Variants in DDAH1 observed in about 807,000 individuals in gnomAD.
DDAH1 encodes N(G),N(G)-dimethylarginine dimethylaminohydrolase 1.
In DDAH1, 19 loss-of-function variants were observed where a neutral mutation model predicts 28.8. The ratio of observed to expected loss-of-function variants is 0.66; its 90% CI spans 0.46 to 0.97. The LOEUF is 0.97. Ranked by LOEUF, DDAH1 falls within the 50% of genes least tolerant of loss-of-function variation. The pLI is 0.00. For missense variants in DDAH1, 326 were observed against 375.9 expected (o/e 0.87, Z 1.10); for synonymous variants, 153 against 154.4 (o/e 0.99, Z 0.07).
intron 1 of DDAH1, among the ~76,000 whole-genome samples, chr1:85,577,190 G>T (rs1659637940): frequency 6.6e-6 from 1 of 152,068 alleles, no homozygotes; most frequent in Admixed American, 6.5e-5. Flanking sequence ...ACCCTCTCGC[G>T]GTGCGGACCC....
rs549518225 is a variant in DDAH1, at chr1:85,524,796, G to T, written c.-122-28515C>A. 4.6e-4 allele frequency among the ~76,000 whole-genome samples: 69 copies of T among 151,310 alleles called. No individual in the cohort carries two copies. The East Asian group carries it at 0.013, about 29-fold the overall frequency. ...GAAGAAAAGCCTAATTAGAAATGAA[G>T]CACGCAGTGTCCCAACAAGAAAAAT... On this transcript the variant is annotated intron_variant, in intron 1 of 6. Transcript: ENST00000426972.
At chr1:85,477,647 T>C (rs1655848030) in intron 2 of DDAH1, among the ~76,000 whole-genome samples, 1 of 151,924 alleles carries the variant, frequency 6.6e-6, no homozygotes, top group African/African-American at 2.4e-5. Context: ...ATAGTATATG[T>C]ATATGCATAT....
intron 4 of DDAH1, among the ~76,000 whole-genome samples, chr1:85,341,976 C>T (rs984665261): frequency 3.9e-5 from 6 of 152,084 alleles, no homozygotes; most frequent in African/African-American, 9.7e-5. Flanking sequence ...TACTTTTTGC[C>T]AAGTAGTTGT....
intron 1 of DDAH1, among the ~76,000 whole-genome samples, chr1:85,395,322 G>A (rs149837263): frequency 6.6e-6 from 1 of 152,290 alleles, no homozygotes; most frequent in African/African-American, 2.4e-5. Context: ...TCAGAAAGAT[G>A]AGGGAAAAAG....
upstream of DDAH1, among the ~76,000 whole-genome samples, chr1:85,466,515 C>A (rs1188392479): frequency 6.6e-6 from 1 of 152,208 alleles, no homozygotes; most frequent in African/African-American, 2.4e-5. Flanking sequence ...TCCCAAAGTG[C>A]TGGGATTACA....
chr1:85,320,102 C>T lies in DDAH1; in HGVS notation c.*1350G>A, dbSNP rs1487408444. The T allele has an allele frequency of 6.6e-6, 1 of 152,216 alleles. No homozygotes were observed. Among genetic ancestry groups the T allele is most frequent in the African/African-American group, 2.4e-5 (1 of 41,424 alleles). 9.4% of individuals were successfully genotyped at this position (152,216 alleles called of 1,614,324 possible). On this transcript the variant is annotated 3_prime_UTR_variant, in exon 6 of 6. Coordinates refer to ENST00000284031, the MANE Select transcript of DDAH1 (RefSeq NM_012137.4). ...ATCAGTTACCATTCATTGGAAAGTA[C>T]CGTTTCCCCTGCCTGTTAATAGGCT...
chr1:85,545,996 T>C (rs766109069), intron 1 of DDAH1, among the ~76,000 whole-genome samples: 3 of 152,086 alleles, frequency 2.0e-5, no homozygotes, highest in South Asian at 2.1e-4. Context: ...GCTCGTAAAA[T>C]GGGAGCAACA....
chr1:85,396,027 C>T (rs2100565381), intron 1 of DDAH1, among the ~76,000 whole-genome samples: 1 of 152,152 alleles, frequency 6.6e-6, no homozygotes, highest in African/African-American at 2.4e-5. Context: ...ACTGAGTCTC[C>T]TCTTTATTAT....
chr1:85,484,429 A>C (rs188871069), intron 2 of DDAH1, among the ~76,000 whole-genome samples: 40 of 152,300 alleles, frequency 2.6e-4, no homozygotes, highest in African/African-American at 8.9e-4. Context: ...AATGCTGCCA[A>C]GGATGATTCA....
chr1:85,406,118 C>T (rs1652393764), intron 1 of DDAH1, among the ~76,000 whole-genome samples: 1 of 152,024 alleles, frequency 6.6e-6, no homozygotes, highest in Admixed American at 6.6e-5. Flanking sequence ...AAGTTGGAGC[C>T]CAAAGATGAG....
At chr1:85,516,072 C>G (rs1468393819) in intron 1 of DDAH1, among the ~76,000 whole-genome samples, 1 of 151,704 alleles carries the variant, frequency 6.6e-6, no homozygotes, top group Admixed American at 6.6e-5. Flanking sequence ...GCGCAACAGT[C>G]ATAGTGAATT....
At chr1:85,534,325 G>A (rs1168793001) in intron 1 of DDAH1, among the ~76,000 whole-genome samples, 2 of 152,052 alleles carry the variant, frequency 1.3e-5, no homozygotes, top group African/African-American at 4.8e-5. Flanking sequence ...AACTTGAAGT[G>A]ACCTCACCAT....
At chr1:85,511,986 C>G (rs954895805) in intron 1 of DDAH1, among the ~76,000 whole-genome samples, 1 of 152,164 alleles carries the variant, frequency 6.6e-6, no homozygotes, top group Non-Finnish European at 1.5e-5. Flanking sequence ...GGAATCCTCC[C>G]TAACTCATTT....
At chr1:85,329,030 A>C (rs1478091206) in intron 4 of DDAH1, among the ~76,000 whole-genome samples, 1 of 152,230 alleles carries the variant, frequency 6.6e-6, no homozygotes, top group African/African-American at 2.4e-5. Context: ...GAAACATGGC[A>C]AGACTACATC....
chr1:85,490,567 A>G (rs1656359017), intron 2 of DDAH1, among the ~76,000 whole-genome samples: 1 of 152,208 alleles, frequency 6.6e-6, no homozygotes, highest in Admixed American at 6.5e-5. Context: ...CCACTCCCCC[A>G]AGCCCATGCT....
chr1:85,557,233 T>C (rs1658998767), intron 1 of DDAH1, among the ~76,000 whole-genome samples: 1 of 152,238 alleles, frequency 6.6e-6, no homozygotes, highest in Non-Finnish European at 1.5e-5. Flanking sequence ...CATTTACCAC[T>C]ATATCTCCTG....
chr1:85,575,350 C>A (rs945693053), intron 1 of DDAH1, among the ~76,000 whole-genome samples: 1 of 152,168 alleles, frequency 6.6e-6, no homozygotes, highest in African/African-American at 2.4e-5. Flanking sequence ...ATCTCAATGA[C>A]AAATTCAACT....
At chr1:85,388,736 T>C (rs1442860110) in intron 1 of DDAH1, among the ~76,000 whole-genome samples, 2 of 152,190 alleles carry the variant, frequency 1.3e-5, no homozygotes, top group African/African-American at 4.8e-5. Flanking sequence ...GGACCACCAA[T>C]GGCTCTCTGA....
intron 1 of DDAH1, among the ~76,000 whole-genome samples, chr1:85,528,800 C>T (rs1259969648): frequency 3.3e-5 from 5 of 152,094 alleles, no homozygotes; most frequent in Admixed American, 6.5e-5. Context: ...ACGGTGAAAC[C>T]CCGTCTCTAC....
Sources: gnomAD v4.1 joint callset for allele counts (sites outside exome capture counted in the v4.1 genomes callset) on GRCh38, gnomAD v4.1.1 for gene constraint, MANE v1.5 for transcripts, NCBI Gene and HGNC (gene_info 2026-07-23, HGNC 2026-07-21) for gene names.